The following BORCS5 variants were observed in gnomAD, a reference collection of about 807,000 sequenced individuals.
BORCS5 encodes BLOC-1-related complex subunit 5.
In BORCS5, 17 loss-of-function variants were observed where a neutral mutation model predicts 22.1. The observed-to-expected ratio is 0.77, with a 90% confidence interval of 0.53 to 1.15. BORCS5 has a LOEUF of 1.15. Among genes scored for constraint, BORCS5 ranks in the 50% most tolerant of loss-of-function variants. BORCS5 has a pLI of 0.00. For missense variants in BORCS5, 247 were observed against 253.2 expected (o/e 0.98, Z 0.17); for synonymous variants, 117 against 99.8 (o/e 1.17, Z -1.03).
rs1355486303 is a variant in BORCS5 at position 12,414,874 on chromosome 12, GT to G, written c.203-20752del. Among the ~76,000 whole-genome samples the G allele has an allele frequency of 4.0e-5, 6 of 150,148 alleles. No individual in the cohort carries two copies. The East Asian group carries it at 9.8e-4, about 25-fold the overall frequency. ...AGACGCTCCTCACCTCCCAGACAGG[GT>G]TGTGGCCAGCAGAGGCGCTCCTCAC... On this transcript the variant is annotated intron_variant, in intron 2 of 3. Coordinates refer to ENST00000314565, the MANE Select transcript of BORCS5 (RefSeq NM_058169.6).
intron 2 of BORCS5, among the ~76,000 whole-genome samples, chr12:12,415,533 G>T (rs1184272394): frequency 1.4e-4 from 16 of 115,190 alleles, no homozygotes; most frequent in Non-Finnish European, 2.6e-4. Flanking sequence ...ATCAGAGGGA[G>T]ACCGTGGAAG....
At chr12:12,397,461 C>A (rs1156834769) in intron 2 of BORCS5, among the ~76,000 whole-genome samples, 2 of 152,228 alleles carry the variant, frequency 1.3e-5, no homozygotes, top group East Asian at 3.8e-4. Context: ...CTTCTGCATT[C>A]TGATAATTAA....
rs370336661 is a variant in BORCS5, at chr12:12,386,894, T to C, written c.202+25545T>C. 1.5e-4 allele frequency among the ~76,000 whole-genome samples: 23 copies of C among 151,148 alleles called. 1 individual carries two copies. The highest frequency in any genetic ancestry group is 5.4e-4 in the African/African-American group (22 of 41,094). ...TTGGGTTATTATTTTTATGTATGAA[T>C]ATATGTATTTTTTTTCTAGAGTGCA... On this transcript the variant is annotated intron_variant, in intron 2 of 3. Transcript: ENST00000314565.
intron 2 of BORCS5, among the ~76,000 whole-genome samples, chr12:12,385,431 A>G (rs1487468611): frequency 1.3e-5 from 2 of 151,494 alleles, no homozygotes; most frequent in African/African-American, 4.9e-5. Context: ...ATTCTGGTAC[A>G]ACATCTGCTT....
chr12:12,370,431 A>C (rs190365868), intron 2 of BORCS5, among the ~76,000 whole-genome samples: 5 of 152,180 alleles, frequency 3.3e-5, no homozygotes, highest in Non-Finnish European at 7.3e-5. Flanking sequence ...GTGAGACTCC[A>C]TGAAATCTCA....
intron 3 of BORCS5, among the ~76,000 whole-genome samples, chr12:12,439,791 A>G (rs1942644511): frequency 6.6e-6 from 1 of 152,188 alleles, no homozygotes; most frequent in African/African-American, 2.4e-5. Context: ...TGGGGCTTTC[A>G]TTGGTGGCGT....
chr12:12,397,550 T>A (rs796435917), intron 2 of BORCS5, among the ~76,000 whole-genome samples: 4 of 152,306 alleles, frequency 2.6e-5, no homozygotes, highest in African/African-American at 9.6e-5. Flanking sequence ...ACCTTTTAAT[T>A]AACAGAGGAG....
chr12:12,442,835 G>GA (rs1215360990), intron 3 of BORCS5, among the ~76,000 whole-genome samples: 15 of 152,148 alleles, frequency 9.9e-5, no homozygotes, highest in Admixed American at 9.8e-4. Context: ...AGGAATGCAC[G>GA]AGAGTTGCCA....
At position 12,386,004 on chromosome 12, in the gene BORCS5, GT is replaced by G. The variant is rs560241187; in HGVS notation, c.202+24668del. ...GAAGTCCCACTTGTCTGTCCATGTG[GT>G]TTTTTTTTTTTTGGAGATGGAGTCT... On this transcript the variant is annotated intron_variant, in intron 2 of 3. Transcript: ENST00000314565. 9.7e-4 allele frequency among the ~76,000 whole-genome samples: 138 copies of G among 141,882 alleles called. 3 individuals are homozygous for G. The highest frequency in any genetic ancestry group is 3.0e-3 in the Admixed American group (42 of 14,202). The allele number at this position is 141,882 out of a possible 152,430, so 93.1% of individuals were successfully genotyped here. A position where few individuals can be genotyped will look rare whatever the true frequency, so the allele number is the denominator to read the frequency against.
intron 3 of BORCS5, among the ~76,000 whole-genome samples, chr12:12,454,861 A>C (rs1227071128): frequency 6.6e-6 from 1 of 152,186 alleles, no homozygotes; most frequent in East Asian, 1.9e-4. Flanking sequence ...TATTATCCCC[A>C]CTTTTAAAAA....
At chr12:12,361,911 T>TG (rs1417025578) in intron 2 of BORCS5, among the ~76,000 whole-genome samples, 1 of 152,204 alleles carries the variant, frequency 6.6e-6, no homozygotes, top group Non-Finnish European at 1.5e-5. Context: ...GCATATACTG[T>TG]GGTAGTTACC....
At chr12:12,401,591 A>C (rs1941477627) in intron 2 of BORCS5, among the ~76,000 whole-genome samples, 1 of 152,202 alleles carries the variant, frequency 6.6e-6, no homozygotes, top group Non-Finnish European at 1.5e-5. Flanking sequence ...CAAAAAAGAA[A>C]ATTAAAAATT....
intron 2 of BORCS5, among the ~76,000 whole-genome samples, chr12:12,386,453 A>ATTTTTT (rs71061054): frequency 7.1e-6 from 1 of 140,104 alleles, no homozygotes; most frequent in African/African-American, 2.7e-5. Context: ...CACTGTTGCT[A>ATTTTTT]TTTTTTTTTT....
chr12:12,415,107 G>C (rs1419284126), intron 2 of BORCS5, among the ~76,000 whole-genome samples: 14 of 151,330 alleles, frequency 9.3e-5, no homozygotes, highest in Admixed American at 3.9e-4. Flanking sequence ...CCAGACGATG[G>C]GGGGCCAGGC....
At chr12:12,448,950 A>G (rs1268084936) in intron 3 of BORCS5, among the ~76,000 whole-genome samples, 1 of 152,238 alleles carries the variant, frequency 6.6e-6, no homozygotes, top group Non-Finnish European at 1.5e-5. Flanking sequence ...CAGTATACTT[A>G]GCATCTCAAA....
intron 2 of BORCS5, among the ~76,000 whole-genome samples, chr12:12,409,101 T>G (rs1341073607): frequency 1.3e-5 from 2 of 150,888 alleles, no homozygotes; most frequent in African/African-American, 4.9e-5. Flanking sequence ...CATTTTTTTT[T>G]GTTTGTTTTT....
intron 2 of BORCS5, among the ~76,000 whole-genome samples, chr12:12,381,461 G>A (rs1032263306): frequency 4.0e-5 from 6 of 151,182 alleles, no homozygotes; most frequent in African/African-American, 1.2e-4. Context: ...AAAAGATTGT[G>A]TTTTCCCTTA....
chr12:12,395,714 G>A (rs1941322588), intron 2 of BORCS5, among the ~76,000 whole-genome samples: 1 of 152,066 alleles, frequency 6.6e-6, no homozygotes, highest in Non-Finnish European at 1.5e-5. Context: ...GTATTAACAT[G>A]TTGACAGCTG....
At chr12:12,430,151 A>ATTGTTTTTTTTT (rs1942384799) in intron 2 of BORCS5, among the ~76,000 whole-genome samples, 1 of 107,748 alleles carries the variant, frequency 9.3e-6, no homozygotes, top group African/African-American at 4.1e-5. Flanking sequence ...CTTAGAGAAA[A>ATTGTTTTTTTTT]TTTTTTTTTT....
Sources: allele counts gnomAD v4.1 joint callset (sites outside exome capture counted in the v4.1 genomes callset), GRCh38; gene constraint gnomAD v4.1.1; transcripts MANE v1.5; gene names NCBI Gene and HGNC (gene_info 2026-07-23, HGNC 2026-07-21).